Variants in WDR76 observed in about 807,000 individuals in gnomAD.
The protein encoded by WDR76 is WD repeat-containing protein 76.
In WDR76, 52 loss-of-function variants were observed where a neutral mutation model predicts 70.2. That is an observed-to-expected ratio of 0.74 (90% CI 0.59 to 0.93). The LOEUF is 0.93. WDR76 is among the 40% of genes least tolerant of loss of function. The probability of loss-of-function intolerance (pLI) is 0.00; values close to 1 mark genes in which losing one functional copy is unlikely to be tolerated. For synonymous variants in WDR76, 292 were observed against 271.1 expected, an observed-to-expected ratio of 1.08 and a Z score of -0.76; for missense variants, 756 against 760.2, an observed-to-expected ratio of 0.99 and a Z score of 0.07.
rs138422478 is a variant in WDR76 at position 43,828,223 on chromosome 15, T to C, written c.319T>C (p.Ser107Pro). Residue 107 changes from serine (S) to proline (P), a missense_variant, in exon 2 of 13, where the codon TCC becomes CCC. Transcript: ENST00000263795. Reference protein sequence around the residue: ...KMKNTSSKAESTLQNSSSAVH... With the variant: ...KMKNTSSKAEPTLQNSSSAVH... ...GAAAAACACATCTTCCAAGGCAGAA[T>C]CCACGCTGCAAAATTCATCCTCAGC... The C allele has an allele frequency of 2.5e-6, 4 of 1,614,148 alleles. No individual in the cohort carries two copies. The highest frequency in any genetic ancestry group is 2.7e-5 in the African/African-American group (2 of 75,034).
chr15:43,828,401 C>CT (rs752408496), intron 2 of WDR76, 35 bp downstream of exon 2: 2 of 1,541,740 alleles, frequency 1.3e-6, no homozygotes, highest in Non-Finnish European at 1.7e-6. Flanking sequence ...TCTGGTTTCT[C>CT]TTTTTTGAAA....
intron 9 of WDR76, among the ~76,000 whole-genome samples, chr15:43,854,312 G>A (rs921175284): frequency 3.3e-5 from 5 of 152,198 alleles, no homozygotes; most frequent in Non-Finnish European, 7.3e-5. Context: ...GCTCACACCT[G>A]TAATCTCAGC....
intron 5 of WDR76, among the ~76,000 whole-genome samples, chr15:43,840,163 T>C (rs1309754362): frequency 1.3e-5 from 2 of 152,118 alleles, no homozygotes; most frequent in African/African-American, 4.8e-5. Flanking sequence ...CCGGCCCATT[T>C]GTACGCTTTA....
intron 4 of WDR76, among the ~76,000 whole-genome samples, chr15:43,838,397 G>A (rs762246712): frequency 6.6e-6 from 1 of 151,328 alleles, no homozygotes; most frequent in African/African-American, 2.4e-5. Flanking sequence ...TGTTGGCAAG[G>A]CTGGTCTGGA....
intron 7 of WDR76, among the ~76,000 whole-genome samples, chr15:43,843,013 CTTTTTTTTTTT>C (rs370773260): frequency 5.8e-5 from 7 of 119,950 alleles, no homozygotes; most frequent in African/African-American, 1.6e-4. Flanking sequence ...TTTTCTTTTT[CTTTTTTTTTTT>C]TTTTTTTTTT....
intron 5 of WDR76, among the ~76,000 whole-genome samples, chr15:43,840,343 A>T (rs948212700): frequency 5.4e-5 from 8 of 149,042 alleles, no homozygotes; most frequent in African/African-American, 1.7e-4. Context: ...ATGTCAGTTT[A>T]AAAAAAAAAC....
intron 12 of WDR76, among the ~76,000 whole-genome samples, chr15:43,864,361 A>G (rs1047973217): frequency 3.3e-5 from 5 of 151,986 alleles, no homozygotes; most frequent in Non-Finnish European, 7.4e-5. Context: ...ACCAATTTAC[A>G]TTTCCACCAA....
chr15:43,855,477 G>A (rs1409832697), intron 9 of WDR76, among the ~76,000 whole-genome samples: 1 of 152,146 alleles, frequency 6.6e-6, no homozygotes, highest in African/African-American at 2.4e-5. Context: ...TTTTTGTGGG[G>A]TGTGAAGGTT....
chr15:43,860,700 G>A (rs913802362), intron 11 of WDR76, among the ~76,000 whole-genome samples: 1 of 151,186 alleles, frequency 6.6e-6, no homozygotes, highest in Admixed American at 6.6e-5. Flanking sequence ...GTAGTGATAG[G>A]GTCTCACTAT....
At chr15:43,855,413 C>T (rs2087915822) in intron 9 of WDR76, among the ~76,000 whole-genome samples, 1 of 152,188 alleles carries the variant, frequency 6.6e-6, no homozygotes, top group Non-Finnish European at 1.5e-5. Context: ...AGCCCCTGCT[C>T]TTAATCATTT....
chr15:43,839,652 G>A lies in WDR76; in HGVS notation c.656G>A (p.Arg219Gln), dbSNP rs1162371581. 2.5e-6 allele frequency: 4 copies of A among 1,612,766 alleles called. No homozygotes were observed. Among genetic ancestry groups the A allele is most frequent in the African/African-American group, 1.3e-5 (1 of 74,974 alleles). The change falls in exon 5 of 13, where the codon CGA becomes CAA. Residue 219 changes from arginine to glutamine, a missense_variant. Physicochemically the swap from Arg to Gln is conservative, Grantham distance 43 (BLOSUM62 1). Transcript: ENST00000263795. ...GGGATTGGATGTAGAAGGTCAATGC[G>A]ATTACTAAAAGTTGATCCTTCGGGA... Reference protein sequence around the residue: ...ENGIGCRRSMRLLKVDPSGVS... With the variant: ...ENGIGCRRSMQLLKVDPSGVS...
intron 9 of WDR76, 111 bp downstream of exon 9, chr15:43,851,356 T>G: frequency 7.0e-7 from 1 of 1,421,800 alleles, no homozygotes. Flanking sequence ...CAGAAGGACT[T>G]TGAGAACTAC....
chr15:43,827,885 T>G (rs1253849177), intron 1 of WDR76, 80 bp from the exon 2 acceptor site: 1 of 1,364,292 alleles, frequency 7.3e-7, no homozygotes, highest in Non-Finnish European at 9.8e-7. Flanking sequence ...TGGGAATTAT[T>G]AGATCTGTTA....
chr15:43,831,655 GTTT>G (rs2087590415), intron 2 of WDR76, among the ~76,000 whole-genome samples: 1 of 152,052 alleles, frequency 6.6e-6, no homozygotes, highest in Non-Finnish European at 1.5e-5. Context: ...GGCCAGGCTG[GTTT>G]TTAACTCCTG....
intron 12 of WDR76, chr15:43,863,972 T>G (rs2088038056): frequency 6.6e-6 from 1 of 152,180 alleles, no homozygotes; most frequent in Admixed American, 6.5e-5. Flanking sequence ...CTGTGAACAA[T>G]CAATTAAGAT....
intron 9 of WDR76, among the ~76,000 whole-genome samples, chr15:43,852,371 C>CGTAGTTGTTGTTGTTGTA (rs2087870768): frequency 6.7e-6 from 1 of 150,264 alleles, no homozygotes; most frequent in African/African-American, 2.5e-5. Context: ...TTGTTGTTGT[C>CGTAGTTGTTGTTGTTGTA]GTCGTTGTTG....
intron 1 of WDR76, 67 bp from the exon 2 acceptor site, chr15:43,827,898 G>A: frequency 7.0e-7 from 1 of 1,419,258 alleles, no homozygotes; most frequent in South Asian, 1.4e-5. Flanking sequence ...ATCTGTTAGG[G>A]ATCCTGTAAG....
intron 9 of WDR76, among the ~76,000 whole-genome samples, chr15:43,854,442 G>C (rs1258104222): frequency 6.6e-6 from 1 of 151,596 alleles, no homozygotes; most frequent in Non-Finnish European, 1.5e-5. Context: ...GGTAGCATGC[G>C]CCTGTGGTCC....
At chr15:43,829,499 CTTTTTTTTTTTT>C (rs34835269) in intron 2 of WDR76, among the ~76,000 whole-genome samples, 1 of 57,966 alleles carries the variant, frequency 1.7e-5, no homozygotes, top group Admixed American at 2.4e-4. Flanking sequence ...AGCATGGCCA[CTTTTTTTTTTTT>C]TTTTTTTTTT....
Sources: gnomAD v4.1 joint callset for allele counts (sites outside exome capture counted in the v4.1 genomes callset) on GRCh38, gnomAD v4.1.1 for gene constraint, MANE v1.5 for transcripts, NCBI Gene and HGNC (gene_info 2026-07-23, HGNC 2026-07-21) for gene names.